ZMAT4: variants seen among roughly 807,000 people sequenced by gnomAD.
ZMAT4 encodes the protein zinc finger matrin-type protein 4.
Under a neutral mutation model 28.7 loss-of-function variants are expected in ZMAT4, and 17 were observed. That is an observed-to-expected ratio of 0.59 (90% CI 0.41 to 0.89). The LOEUF (loss-of-function observed/expected upper bound fraction) is 0.89, where lower values mean the gene tolerates loss of function less well. Ranked by LOEUF, ZMAT4 falls within the 40% of genes least tolerant of loss-of-function variation. The pLI, the probability that ZMAT4 is intolerant of heterozygous loss-of-function variation, is 0.00. For synonymous variants in ZMAT4, 117 were observed against 109.2 expected, an observed-to-expected ratio of 1.07 and a Z score of -0.44; for missense variants, 240 against 283.8, an observed-to-expected ratio of 0.85 and a Z score of 1.11.
chr8:40,718,671 C>T (rs752985151), intron 3 of ZMAT4, among the ~76,000 whole-genome samples: 1 of 152,098 alleles, frequency 6.6e-6, no homozygotes, highest in East Asian at 1.9e-4. Flanking sequence ...TTCCCTCATC[C>T]AGTTCGTCTC....
intron 2 of ZMAT4, among the ~76,000 whole-genome samples, chr8:40,818,419 T>C (rs948491451): frequency 5.3e-5 from 8 of 152,206 alleles, no homozygotes; most frequent in African/African-American, 1.9e-4. Context: ...AATAATTGTA[T>C]TTATCATATC....
chr8:40,828,543 T>C (rs564742125), intron 1 of ZMAT4, among the ~76,000 whole-genome samples: 8 of 152,178 alleles, frequency 5.3e-5, no homozygotes, highest in African/African-American at 1.4e-4. Flanking sequence ...AGGCAGAATA[T>C]AAAATGTGTA....
chr8:40,602,831 G>C (rs1191100349), intron 5 of ZMAT4, among the ~76,000 whole-genome samples: 1 of 152,110 alleles, frequency 6.6e-6, no homozygotes, highest in Non-Finnish European at 1.5e-5. Flanking sequence ...GATGCATAGT[G>C]TGCGAAGATT....
At chr8:40,614,065 C>T (rs1445847741) in intron 5 of ZMAT4, among the ~76,000 whole-genome samples, 2 of 152,198 alleles carry the variant, frequency 1.3e-5, no homozygotes, top group Non-Finnish European at 2.9e-5. Flanking sequence ...CATCTTGCAG[C>T]TCATCATGAA....
In ZMAT4 at chr8:40,674,872, G is replaced by A; in HGVS notation, c.409C>T (p.Pro137Ser). ...CTGTCTGAATCTCTTCTTTGATAGG[G>A]AGATGCGACCACCGGAGCAGTGTCC... ...RMDTAPVVASPYQRRDSDRYC... is the reference protein window; with the variant it reads ...RMDTAPVVASSYQRRDSDRYC... The change falls in exon 5 of 7, where the codon CCC (proline) becomes TCC (serine). Residue 137 changes from proline (P) to serine (S), a missense_variant. Physicochemically the swap from Pro to Ser is moderately conservative, Grantham distance 74. Transcript: ENST00000297737. 6.2e-7 allele frequency: 1 copy of A among 1,613,514 alleles called. No homozygotes were observed. Among genetic ancestry groups the A allele is most frequent in the Middle Eastern group, 1.7e-4 (1 of 6,060 alleles).
intron 2 of ZMAT4, among the ~76,000 whole-genome samples, chr8:40,788,728 G>A (rs867049939): frequency 6.6e-5 from 10 of 150,986 alleles, no homozygotes; most frequent in Non-Finnish European, 1.2e-4. Flanking sequence ...TCATTCTGAT[G>A]CCAGTATTAT....
chr8:40,554,722 A>T (rs1803475364), intron 6 of ZMAT4, among the ~76,000 whole-genome samples: 1 of 152,156 alleles, frequency 6.6e-6, no homozygotes, highest in Non-Finnish European at 1.5e-5. Context: ...TAAGTGATAT[A>T]TTGTTACACA....
At position 40,825,687 on chromosome 8, in the gene ZMAT4, G is replaced by T; in HGVS notation, c.-4-7C>A. On this transcript the variant is annotated splice_region_variant and splice_polypyrimidine_tract_variant and intron_variant, in intron 1 of 6. Transcript: ENST00000297737. ...ATCGGAGGACTTCATCAGGCTACAA[G>T]AGAATCAACAGAAAAGAAAAATGAG... 1.3e-6 allele frequency: 2 copies of T among 1,549,488 alleles called. No individual in the cohort carries two copies. Among genetic ancestry groups the T allele is most frequent in the Non-Finnish European group, 8.7e-7 (1 of 1,145,918 alleles).
chr8:40,710,890 C>A (rs1325139074), intron 3 of ZMAT4, among the ~76,000 whole-genome samples: 1 of 152,084 alleles, frequency 6.6e-6, no homozygotes, highest in Non-Finnish European at 1.5e-5. Context: ...AAGCGATTCT[C>A]CTGCCTCAGC....
At chr8:40,858,690 C>T (rs1817385223) in intron 1 of ZMAT4, among the ~76,000 whole-genome samples, 1 of 152,188 alleles carries the variant, frequency 6.6e-6, no homozygotes, top group African/African-American at 2.4e-5. Flanking sequence ...GTTCACAGGG[C>T]TCATTCCGCC....
intron 6 of ZMAT4, among the ~76,000 whole-genome samples, chr8:40,549,663 G>A (rs1056520806): frequency 6.6e-6 from 1 of 151,988 alleles, no homozygotes; most frequent in Admixed American, 6.6e-5. Flanking sequence ...CACTGCTATA[G>A]TTCAAAACAT....
rs192650662 is a variant in ZMAT4 at position 40,561,003 on chromosome 8, T to G, written c.674+20162A>C. ...CCCTTTTACTTAGTAGAGATTTACC[T>G]CTCCATATTTTCTATGTTGGCACTA... On this transcript the variant is annotated intron_variant, in intron 6 of 6. Coordinates refer to ENST00000297737, the MANE Select transcript of ZMAT4 (RefSeq NM_024645.3). Among the ~76,000 whole-genome samples the G allele has an allele frequency of 5.6e-4, 86 of 152,286 alleles. 1 individual carries two copies. Among genetic ancestry groups the G allele is most frequent in the African/African-American group, 1.5e-3 (62 of 41,574 alleles).
At chr8:40,764,930 C>G (rs1393715703) in intron 3 of ZMAT4, among the ~76,000 whole-genome samples, 2 of 152,076 alleles carry the variant, frequency 1.3e-5, no homozygotes, top group Non-Finnish European at 1.5e-5. Flanking sequence ...TTCCTAAACT[C>G]AAGCAATCCT....
intron 5 of ZMAT4, among the ~76,000 whole-genome samples, chr8:40,635,633 T>C (rs975162837): frequency 2.0e-5 from 3 of 152,210 alleles, no homozygotes; most frequent in Non-Finnish European, 4.4e-5. Flanking sequence ...GTGGTGGCAA[T>C]GTCTCAGACA....
intron 3 of ZMAT4, among the ~76,000 whole-genome samples, chr8:40,716,739 A>G (rs1420191365): frequency 1.3e-5 from 2 of 152,124 alleles, no homozygotes; most frequent in Non-Finnish European, 2.9e-5. Context: ...TAGGGTCCAA[A>G]TGTCTCGCCC....
intron 4 of ZMAT4, among the ~76,000 whole-genome samples, chr8:40,695,370 T>G (rs373636263): frequency 2.6e-5 from 4 of 152,144 alleles, no homozygotes; most frequent in South Asian, 4.1e-4. Flanking sequence ...AGATCCTTTC[T>G]GCTCAAAGCA....
intron 5 of ZMAT4, among the ~76,000 whole-genome samples, chr8:40,650,326 A>T (rs1468288684): frequency 3.3e-5 from 5 of 151,270 alleles, no homozygotes; most frequent in Non-Finnish European, 7.4e-5. Context: ...GAAAATCTAG[A>T]AGAAATGGAT....
chr8:40,614,721 TG>T (rs1805933134), intron 5 of ZMAT4, among the ~76,000 whole-genome samples: 2 of 152,240 alleles, frequency 1.3e-5, no homozygotes, highest in Admixed American at 1.3e-4. Context: ...GTTTAAAGAC[TG>T]TTTTATCAGA....
At chr8:40,546,730 G>A (rs1411375488) in intron 6 of ZMAT4, among the ~76,000 whole-genome samples, 1 of 152,158 alleles carries the variant, frequency 6.6e-6, no homozygotes, top group African/African-American at 2.4e-5. Context: ...AGGGAAGGGA[G>A]AAAGGCCCTC....
Sources: gnomAD v4.1 joint callset for allele counts (sites outside exome capture counted in the v4.1 genomes callset) on GRCh38, gnomAD v4.1.1 for gene constraint, MANE v1.5 for transcripts, NCBI Gene and HGNC (gene_info 2026-07-23, HGNC 2026-07-21) for gene names.